Variants in ZNF566 observed in about 807,000 individuals in gnomAD.
ZNF566 encodes zinc finger protein 566.
In ZNF566, 27 loss-of-function variants were observed where a neutral mutation model predicts 32.8. That is an observed-to-expected ratio of 0.82 (90% CI 0.61 to 1.14). The LOEUF is 1.14. Ranked by LOEUF, ZNF566 falls within the 50% of genes most tolerant of loss-of-function variation. The pLI is 0.00. For missense variants in ZNF566, 402 were observed against 490.4 expected, an observed-to-expected ratio of 0.82 and a Z score of 1.70; for synonymous variants, 154 against 159.5, an observed-to-expected ratio of 0.97 and a Z score of 0.26.
chr19:36,452,092 A>G (rs1451710961), intron 4 of ZNF566, among the ~76,000 whole-genome samples: 1 of 152,170 alleles, frequency 6.6e-6, no homozygotes, highest in African/African-American at 2.4e-5. Context: ...TTAAAAAAAA[A>G]AAAGGGAGAA....
At chr19:36,479,667 C>T (rs142388978) in intron 1 of ZNF566, among the ~76,000 whole-genome samples, 65 of 152,292 alleles carry the variant, frequency 4.3e-4, no homozygotes, top group African/African-American at 1.5e-3. Context: ...CAGGGTCTTG[C>T]TTTGTTACCC....
intron 3 of ZNF566, 34 bp from the exon 4 acceptor site, chr19:36,473,040 C>T: frequency 6.4e-6 from 10 of 1,565,624 alleles, no homozygotes; most frequent in African/African-American, 1.4e-5. Flanking sequence ...ACAAATTTAT[C>T]ATGAGCATAT....
intron 2 of ZNF566, 75 bp from the exon 3 acceptor site, chr19:36,473,533 A>C (rs758784459): frequency 7.2e-7 from 1 of 1,398,262 alleles, no homozygotes. Flanking sequence ...GAGAAGAAAA[A>C]GATTAAGGTA....
At chr19:36,468,855 T>G (rs560424349) in intron 4 of ZNF566, among the ~76,000 whole-genome samples, 1 of 151,528 alleles carries the variant, frequency 6.6e-6, no homozygotes, top group Non-Finnish European at 1.5e-5. Flanking sequence ...TGGTCAAGAC[T>G]GCAGTGAGCC....
At chr19:36,465,709 G>A (rs927612417) in intron 4 of ZNF566, among the ~76,000 whole-genome samples, 1 of 151,836 alleles carries the variant, frequency 6.6e-6, no homozygotes, top group Non-Finnish European at 1.5e-5. Flanking sequence ...TCCTGACCGC[G>A]TGATCCACCC....
At chr19:36,488,042 G>C (rs552008724) in intron 1 of ZNF566, among the ~76,000 whole-genome samples, 1 of 152,074 alleles carries the variant, frequency 6.6e-6, no homozygotes, top group East Asian at 1.9e-4. Flanking sequence ...ATAGATCTAA[G>C]AGTGTTACAC....
chr19:36,471,609 A>G (rs2033768003), intron 4 of ZNF566, among the ~76,000 whole-genome samples: 1 of 152,094 alleles, frequency 6.6e-6, no homozygotes, highest in Non-Finnish European at 1.5e-5. Context: ...TTCACATAAA[A>G]TATCATCCTT....
chr19:36,453,031 C>T (rs112533747), intron 4 of ZNF566, among the ~76,000 whole-genome samples: 5 of 151,206 alleles, frequency 3.3e-5, no homozygotes, highest in Non-Finnish European at 5.9e-5. Context: ...GGCAGGAGAA[C>T]TGCTTGAACC....
At chr19:36,456,341 G>A (rs1282742508) in intron 4 of ZNF566, 1 of 140,248 alleles carries the variant, frequency 7.1e-6, no homozygotes, top group Non-Finnish European at 1.5e-5. Flanking sequence ...TTCAAGACCA[G>A]CCTGGGTAAC....
intron 1 of ZNF566, among the ~76,000 whole-genome samples, chr19:36,482,367 A>C (rs1025162328): frequency 2.6e-5 from 4 of 151,982 alleles, no homozygotes; most frequent in Non-Finnish European, 5.9e-5. Context: ...GGCCTCCCAA[A>C]GTGTTGGGAT....
rs565128450 is a variant in ZNF566, at chr19:36,462,687, T to C, written c.232+10224A>G. Among the ~76,000 whole-genome samples, 7 of 151,860 alleles carry C rather than the reference T, an allele frequency of 4.6e-5. 1 individual carries two copies. The highest frequency in any genetic ancestry group is 3.9e-4 in the Admixed American group (6 of 15,212). On this transcript the variant is annotated intron_variant, in intron 4 of 4. Transcript: ENST00000452939. The stretch of plus-strand genomic sequence containing the variant: ...ATATACATATATGTATATATGTACA[T>C]ATGTATGTGCATATACACACAAGCA...
At chr19:36,487,346 G>A (rs2034193143) in intron 1 of ZNF566, among the ~76,000 whole-genome samples, 7 of 152,050 alleles carry the variant, frequency 4.6e-5, no homozygotes, top group Admixed American at 3.9e-4. Flanking sequence ...GTATTAACCC[G>A]GGAGAAAAGC....
chr19:36,484,099 C>T (rs144700140), intron 1 of ZNF566, among the ~76,000 whole-genome samples: 14,195 of 152,246 alleles, frequency 0.093, 812 homozygotes, highest in Non-Finnish European at 0.13. Context: ...GTCTCCAACT[C>T]CTGACCTCAG....
intron 4 of ZNF566, among the ~76,000 whole-genome samples, chr19:36,451,670 C>T (rs2033160982): frequency 6.6e-6 from 1 of 152,166 alleles, no homozygotes; most frequent in African/African-American, 2.4e-5. Flanking sequence ...AATGATAGCC[C>T]TTACAACTGT....
At chr19:36,484,808 C>A (rs1241997732) in intron 1 of ZNF566, among the ~76,000 whole-genome samples, 1 of 152,006 alleles carries the variant, frequency 6.6e-6, no homozygotes, top group Non-Finnish European at 1.5e-5. Context: ...CCAGGATGGT[C>A]TTGATCTCCT....
At chr19:36,451,276 C>T (rs909505041) in intron 4 of ZNF566, among the ~76,000 whole-genome samples, 1 of 152,104 alleles carries the variant, frequency 6.6e-6, no homozygotes, top group Non-Finnish European at 1.5e-5. Flanking sequence ...AAAAGCCTAG[C>T]TTAAGAAAAG....
intron 4 of ZNF566, among the ~76,000 whole-genome samples, chr19:36,456,014 G>A (rs2033299674): frequency 1.3e-5 from 2 of 151,740 alleles, no homozygotes; most frequent in African/African-American, 4.8e-5. Context: ...ACTCCAGACT[G>A]GGTGACAGAG....
intron 1 of ZNF566, among the ~76,000 whole-genome samples, chr19:36,477,186 A>G (rs1459864946): frequency 6.7e-6 from 1 of 149,390 alleles, no homozygotes; most frequent in Non-Finnish European, 1.5e-5. Context: ...AATTTTTTGT[A>G]TTTTTAGTAG....
intron 1 of ZNF566, among the ~76,000 whole-genome samples, chr19:36,486,792 T>C (rs2034173840): frequency 6.6e-6 from 1 of 151,246 alleles, no homozygotes; most frequent in Non-Finnish European, 1.5e-5. Flanking sequence ...AAAAAGGTGC[T>C]GAACATCATT....
Sources: gnomAD v4.1 joint callset for allele counts (sites outside exome capture counted in the v4.1 genomes callset) on GRCh38, gnomAD v4.1.1 for gene constraint, MANE v1.5 for transcripts, NCBI Gene and HGNC (gene_info 2026-07-23, HGNC 2026-07-21) for gene names.